USP45: variants seen among roughly 807,000 people sequenced by gnomAD.
USP45 encodes ubiquitin carboxyl-terminal hydrolase 45.
Under a neutral mutation model 95.8 loss-of-function variants are expected in USP45, and 89 were observed. The ratio of observed to expected loss-of-function variants is 0.93; its 90% confidence interval spans 0.78 to 1.11. The LOEUF is 1.11. Ranked by LOEUF, USP45 falls within the 50% of genes least tolerant of loss-of-function variation. USP45 has a pLI of 0.00. For synonymous variants in USP45, 281 were observed against 316.2 expected (o/e 0.89, Z 1.18); for missense variants, 898 against 942.5 (o/e 0.95, Z 0.62).
chr6:99,473,586 T>A lies in USP45; in HGVS notation c.933+2557A>T, dbSNP rs187886574. 8.1e-4 allele frequency among the ~76,000 whole-genome samples: 122 copies of A among 151,410 alleles called. 1 individual carries two copies. The East Asian group carries it at 0.022, about 27-fold the overall frequency. On this transcript the variant is annotated intron_variant, in intron 9 of 17. Transcript: ENST00000500704. Reference sequence around the variant, plus strand: ...GCCTAGTCAACATGGTGAAACCCCATTTCTACTAAAAGTACAAAAATTAGC... The same window carrying A: ...GCCTAGTCAACATGGTGAAACCCCAATTCTACTAAAAGTACAAAAATTAGC...
At chr6:99,458,816 G>A (rs887689166) in intron 13 of USP45, among the ~76,000 whole-genome samples, 2 of 152,128 alleles carry the variant, frequency 1.3e-5, no homozygotes, top group Admixed American at 6.5e-5. Context: ...GGGACTGTTC[G>A]TGGCAGAAGA....
At chr6:99,466,820 T>C in intron 10 of USP45, 57 bp from the exon 11 acceptor site, 1 of 1,285,176 alleles carries the variant, frequency 7.8e-7, no homozygotes, top group Non-Finnish European at 1.1e-6. Flanking sequence ...TCTAGCAGTA[T>C]AATAGGCTAT....
intron 7 of USP45, among the ~76,000 whole-genome samples, chr6:99,485,767 C>A (rs916863732): frequency 6.6e-6 from 1 of 152,082 alleles, no homozygotes; most frequent in Non-Finnish European, 1.5e-5. Flanking sequence ...AAATTGAATC[C>A]AGCAGCATAT....
chr6:99,443,745 C>A (rs986485143), intron 14 of USP45, 83 bp from the exon 15 acceptor site: 6 of 863,838 alleles, frequency 6.9e-6, no homozygotes, highest in Middle Eastern at 3.7e-4. Context: ...ACAGAAGTAT[C>A]ATACCACATT....
chr6:99,465,445 G>C (rs6900331), intron 11 of USP45, among the ~76,000 whole-genome samples: 7,317 of 152,080 alleles, frequency 0.048, 237 homozygotes, highest in East Asian at 0.14. Context: ...AGACATTTTT[G>C]GTTAGCTTAG....
In USP45 at chr6:99,433,660, A is replaced by G. The variant is rs1161015534; in HGVS notation, c.*2056T>C. ...TAGCTCCTTTAACATGAAGAAAATG[A>G]CAATAAAAATATCTTACTTGCATGT... On this transcript the variant is annotated 3_prime_UTR_variant, in exon 18 of 18. Transcript: ENST00000500704. 1.3e-5 allele frequency: 2 copies of G among 152,248 alleles called. No individual in the cohort carries two copies. The highest frequency in any genetic ancestry group is 4.8e-5 in the African/African-American group (2 of 41,466). The allele number at this position is 152,248 out of a possible 1,614,324, so 9.4% of individuals were successfully genotyped here.
Position 99,507,517 on chromosome 6 carries a change from G to A in USP45, c.288C>T (p.Asn96=). 1 of 1,609,752 alleles carries A rather than the reference G, an allele frequency of 6.2e-7. No individual in the cohort carries two copies. Residue 96 remains asparagine, a synonymous_variant, in exon 4 of 18, where the codon AAC becomes AAT. Coordinates refer to ENST00000500704, the MANE Select transcript of USP45 (RefSeq NM_001346022.3). ...GCTTCAATGAATGTTGGCTTTCTGA[G>A]TTTTTACCACATCCCTGAAGATGAA... ...LKCGFQGCGK[N]SESQHSLKHF...
At chr6:99,465,258 G>GA (rs1297238190) in intron 11 of USP45, 122 bp from the exon 12 acceptor site, 3 of 648,616 alleles carry the variant, frequency 4.6e-6, no homozygotes, top group Non-Finnish European at 5.0e-6. Flanking sequence ...AACTGTTCCT[G>GA]AAAAAAATAG....
intron 11 of USP45, 28 bp from the exon 12 acceptor site, chr6:99,465,164 C>A: frequency 6.4e-7 from 1 of 1,552,944 alleles, no homozygotes. Context: ...TTGAAAACTT[C>A]AGTTAGAATT....
chr6:99,475,425 CCTG>C (rs935268322), intron 9 of USP45, among the ~76,000 whole-genome samples: 74 of 151,414 alleles, frequency 4.9e-4, no homozygotes, highest in African/African-American at 1.7e-3. Context: ...CAAGTATTCT[CCTG>C]CCTCAGCCTC....
chr6:99,484,269 G>C (rs1388435089), intron 7 of USP45, among the ~76,000 whole-genome samples: 1 of 151,572 alleles, frequency 6.6e-6, no homozygotes, highest in Non-Finnish European at 1.5e-5. Flanking sequence ...TTGGACCCAA[G>C]TGATCCTCCT....
chr6:99,489,871 A>G (rs1794788909), intron 5 of USP45, among the ~76,000 whole-genome samples: 1 of 152,120 alleles, frequency 6.6e-6, no homozygotes, highest in African/African-American at 2.4e-5. Flanking sequence ...GAATCACTTG[A>G]ACCTGAGAGG....
At position 99,450,385 on chromosome 6, in the gene USP45, A is replaced by G. The variant is rs538180068; in HGVS notation, c.1309-3922T>C. On this transcript the variant is annotated intron_variant, in intron 13 of 17. Transcript: ENST00000500704. ...TGATCCCACAGAAATACAAACTACCATCAGAGAATACTATAAACACCTCTA... is the reference window on the plus strand; with the variant it reads ...TGATCCCACAGAAATACAAACTACCGTCAGAGAATACTATAAACACCTCTA... Among the ~76,000 whole-genome samples the G allele has an allele frequency of 7.2e-5, 11 of 152,340 alleles. No homozygotes were observed. The South Asian group carries it at 2.1e-3, about 29-fold the overall frequency.
intron 10 of USP45, 95 bp from the exon 11 acceptor site, chr6:99,466,858 T>C: frequency 1.2e-6 from 1 of 823,358 alleles, no homozygotes; most frequent in East Asian, 2.6e-5. Context: ...GTAATCTGAA[T>C]AAGATATTCT....
At chr6:99,485,476 TA>T (rs1239853893) in intron 7 of USP45, among the ~76,000 whole-genome samples, 1 of 152,198 alleles carries the variant, frequency 6.6e-6, no homozygotes, top group East Asian at 1.9e-4. Context: ...ATGTATATAG[TA>T]AGATTCCATT....
intron 5 of USP45, among the ~76,000 whole-genome samples, chr6:99,502,708 A>C (rs1458425631): frequency 1.3e-5 from 2 of 152,212 alleles, no homozygotes; most frequent in Non-Finnish European, 2.9e-5. Flanking sequence ...ATGGGAAGTG[A>C]CTGGATCATG....
intron 9 of USP45, among the ~76,000 whole-genome samples, chr6:99,473,510 T>C (rs1248472076): frequency 6.6e-6 from 1 of 151,886 alleles, no homozygotes; most frequent in Non-Finnish European, 1.5e-5. Flanking sequence ...ATCACAACAC[T>C]GCACTGCAGC....
chr6:99,505,477 C>T (rs555424669), intron 4 of USP45, among the ~76,000 whole-genome samples: 14 of 151,748 alleles, frequency 9.2e-5, no homozygotes, highest in Non-Finnish European at 1.9e-4. Context: ...ACTGGCCTGG[C>T]CAATATGGTG....
chr6:99,446,078 C>T lies in USP45; in HGVS notation c.1694G>A (p.Ser565Asn). The T allele has an allele frequency of 6.2e-7, 1 of 1,614,010 alleles. No individual in the cohort carries two copies. The highest frequency in any genetic ancestry group is 8.5e-7 in the Non-Finnish European group (1 of 1,180,044). Residue 565 changes from serine (S) to asparagine (N), a missense_variant, in exon 14 of 18, where the codon AGC (serine) becomes AAC (asparagine). Coordinates refer to ENST00000500704, the MANE Select transcript of USP45 (RefSeq NM_001346022.3). ...ATCTTGATCTCCAGTTACAGTGCTG[C>T]TCAAACGAAGTTCAGAAATAGCTTC... Reference protein sequence around the residue: ...MAEAISELRLSSTVTGDQDFD... With the variant: ...MAEAISELRLNSTVTGDQDFD...
Sources: allele counts gnomAD v4.1 joint callset (sites outside exome capture counted in the v4.1 genomes callset), GRCh38; gene constraint gnomAD v4.1.1; transcripts MANE v1.5; gene names NCBI Gene and HGNC (gene_info 2026-07-23, HGNC 2026-07-21).